SPATA22: variants seen among roughly 807,000 people sequenced by gnomAD.
The protein encoded by SPATA22 is spermatogenesis-associated protein 22.
Under a neutral mutation model 47.8 loss-of-function variants are expected in SPATA22, and 29 were observed. The ratio of observed to expected loss-of-function variants is 0.61; its 90% CI spans 0.45 to 0.83. The LOEUF is 0.83. SPATA22 is among the 40% of genes least tolerant of loss of function. SPATA22 has a pLI of 0.00. For missense variants in SPATA22, 410 were observed against 421.7 expected, an observed-to-expected ratio of 0.97 and a Z score of 0.24; for synonymous variants, 133 against 140.9, an observed-to-expected ratio of 0.94 and a Z score of 0.40.
chr17:3,470,887 G>A (rs1175168226), intron 1 of SPATA22, among the ~76,000 whole-genome samples: 1 of 152,206 alleles, frequency 6.6e-6, no homozygotes, highest in African/African-American at 2.4e-5. Flanking sequence ...AGGTGCAGTG[G>A]CTCATGCCTG....
intron 3 of SPATA22, among the ~76,000 whole-genome samples, chr17:3,463,645 T>C (rs1018428300): frequency 9.0e-5 from 13 of 144,272 alleles, no homozygotes; most frequent in Non-Finnish European, 1.9e-4. Context: ...ACACCATACA[T>C]TTAGGCTACA....
intron 1 of SPATA22, chr17:3,499,003 C>T (rs1414684396): frequency 6.2e-7 from 1 of 1,614,142 alleles, no homozygotes; most frequent in Non-Finnish European, 8.5e-7. Context: ...GTGAATGAGG[C>T]CGCATATTAC....
intron 1 of SPATA22, chr17:3,500,500 C>CTTATTTT (rs2073976258): frequency 1.6e-4 from 3 of 18,428 alleles, no homozygotes; most frequent in Non-Finnish European, 7.9e-4. Flanking sequence ...TCCTAAAACT[C>CTTATTTT]TTGTTTTTTG....
chr17:3,488,009 G>A lies in SPATA22; in HGVS notation c.-73-18611C>T, dbSNP rs190396321. 2.7e-4 allele frequency among the ~76,000 whole-genome samples: 41 copies of A among 152,144 alleles called. No homozygotes were observed. The highest frequency in any genetic ancestry group is 9.6e-4 in the African/African-American group (40 of 41,512). ...TCATACATATATGCAAGAAACCTAA[G>A]CACAACAAATAAAAAATGATGCAAG... On this transcript the variant is annotated intron_variant, in intron 1 of 8. Transcript: ENST00000541913. This position sits in a 1 kb window ranked among gnomAD's most constrained non-coding sequence, Gnocchi z 6.1.
In SPATA22 at chr17:3,453,986, C is replaced by A. The variant is rs190506758; in HGVS notation, c.330-4837G>T. Among the ~76,000 whole-genome samples the A allele has an allele frequency of 2.7e-3, 409 of 151,900 alleles. 2 individuals carry two copies. The highest frequency in any genetic ancestry group is 9.4e-3 in the African/African-American group (390 of 41,452). Reference sequence around the variant, plus strand: ...TGTATGTAGAAAACCCTAAAAACTCCATTAAGAAACTGTTAGAACTAAAAA... The same window carrying A: ...TGTATGTAGAAAACCCTAAAAACTCAATTAAGAAACTGTTAGAACTAAAAA... On this transcript the variant is annotated intron_variant, in intron 5 of 8. Coordinates refer to ENST00000572969, the MANE Select transcript of SPATA22 (RefSeq NM_001170698.2).
chr17:3,463,939 C>CCCTCTG (rs1458328253), intron 3 of SPATA22, among the ~76,000 whole-genome samples: 3 of 79,966 alleles, frequency 3.8e-5, no homozygotes, highest in East Asian at 6.1e-4. Context: ...CTCTCCCTCT[C>CCCTCTG]CCTCTCCCTC....
chr17:3,459,104 G>C, intron 5 of SPATA22, among the ~76,000 whole-genome samples: 1 of 151,552 alleles, frequency 6.6e-6, no homozygotes, highest in Non-Finnish European at 1.5e-5. Context: ...GTAGAATAGT[G>C]GTTACCAGGG....
intron 1 of SPATA22, among the ~76,000 whole-genome samples, chr17:3,491,621 G>A (rs532356469): frequency 1.3e-5 from 2 of 152,030 alleles, no homozygotes; most frequent in Admixed American, 6.6e-5. Context: ...GGTGGCATGC[G>A]CCTATAATTC....
chr17:3,478,458 A>G (rs1205463332), intron 1 of SPATA22, among the ~76,000 whole-genome samples: 1 of 152,174 alleles, frequency 6.6e-6, no homozygotes, highest in East Asian at 1.9e-4. Flanking sequence ...TATCTTCATG[A>G]CTGAGGTTAT....
chr17:3,459,251 CACTT>C (rs1394951817), intron 5 of SPATA22, among the ~76,000 whole-genome samples: 1 of 152,004 alleles, frequency 6.6e-6, no homozygotes, highest in African/African-American at 2.4e-5. Context: ...AGATGAAAAT[CACTT>C]AGAAGGTAGA....
At chr17:3,455,617 G>A (rs376266742) in intron 5 of SPATA22, among the ~76,000 whole-genome samples, 26 of 137,402 alleles carry the variant, frequency 1.9e-4, no homozygotes, top group African/African-American at 5.5e-4. Flanking sequence ...GATATGCGGC[G>A]TTATTTCTGA....
intron 5 of SPATA22, among the ~76,000 whole-genome samples, chr17:3,452,359 C>T (rs776879089): frequency 2.0e-5 from 3 of 150,864 alleles, no homozygotes; most frequent in African/African-American, 7.3e-5. Flanking sequence ...TTTGGGAGGC[C>T]GAGGCAGGCG....
chr17:3,509,872 A>G (rs548851492), intron 1 of SPATA22, among the ~76,000 whole-genome samples: 1 of 152,040 alleles, frequency 6.6e-6, no homozygotes. Flanking sequence ...CTGGCGTGAG[A>G]TGGTATCTCA....
intron 3 of SPATA22, among the ~76,000 whole-genome samples, chr17:3,464,629 G>A (rs1448035652): frequency 6.2e-5 from 9 of 146,212 alleles, no homozygotes; most frequent in East Asian, 4.1e-4. Context: ...CCTTTGCCCC[G>A]CCGCCCCATC....
At chr17:3,493,455 G>T (rs1164166031) in intron 1 of SPATA22, among the ~76,000 whole-genome samples, 1 of 151,354 alleles carries the variant, frequency 6.6e-6, no homozygotes, top group Non-Finnish European at 1.5e-5. Context: ...CAGCTACTCA[G>T]GAGGCTGAGG....
intron 1 of SPATA22, among the ~76,000 whole-genome samples, chr17:3,470,750 C>CAAAAAAAAAAAAAAAAAAA (rs11339645): frequency 6.8e-6 from 1 of 147,122 alleles, no homozygotes; most frequent in African/African-American, 2.6e-5. Context: ...GACTCCGTCT[C>CAAAAAAAAAAAAAAAAAAA]AAAAAAAAAA....
intron 5 of SPATA22, among the ~76,000 whole-genome samples, chr17:3,453,468 TA>T (rs1191292188): frequency 6.6e-6 from 1 of 151,782 alleles, no homozygotes; most frequent in Non-Finnish European, 1.5e-5. Flanking sequence ...CAGTTTACTC[TA>T]AAAAAAATAA....
chr17:3,468,423 T>C (rs553293584), intron 2 of SPATA22: 1 of 152,314 alleles, frequency 6.6e-6, no homozygotes, highest in East Asian at 1.9e-4. Flanking sequence ...CATCATCAAT[T>C]GTTCTACAGG....
chr17:3,452,684 TA>T (rs2072890916), intron 5 of SPATA22, among the ~76,000 whole-genome samples: 2 of 151,980 alleles, frequency 1.3e-5, no homozygotes, highest in African/African-American at 4.8e-5. Flanking sequence ...AAAGAAGATT[TA>T]AATAAATGAA....
Sources: allele counts gnomAD v4.1 joint callset (sites outside exome capture counted in the v4.1 genomes callset), GRCh38; gene constraint gnomAD v4.1.1; non-coding constraint Gnocchi (gnomAD v3.1); transcripts MANE v1.5; gene names NCBI Gene and HGNC (gene_info 2026-07-23, HGNC 2026-07-21).